The following SLAIN2 variants were observed in gnomAD, a reference collection of about 807,000 sequenced individuals.
SLAIN2 encodes the protein SLAIN motif-containing protein 2.
SLAIN2 carries 31 observed loss-of-function variants against 56.6 expected under a neutral mutation model. The ratio of observed to expected loss-of-function variants is 0.55; its 90% CI spans 0.41 to 0.74. The LOEUF is 0.74. Among genes scored for constraint, SLAIN2 ranks in the 30% least tolerant of loss-of-function variants. SLAIN2 has a pLI of 0.00. For synonymous variants in SLAIN2, 317 were observed against 284.9 expected, an observed-to-expected ratio of 1.11 and a Z score of -1.13; for missense variants, 777 against 754.2, an observed-to-expected ratio of 1.03 and a Z score of -0.35.
intron 1 of SLAIN2, among the ~76,000 whole-genome samples, chr4:48,362,201 A>G (rs1208317725): frequency 2.0e-5 from 3 of 151,538 alleles, no homozygotes; most frequent in Admixed American, 6.6e-5. Flanking sequence ...GAGAGTGTAC[A>G]TCTTGATCTT....
At position 48,363,695 on chromosome 4, in the gene SLAIN2, G is replaced by A. The variant is rs1432054487; in HGVS notation, c.390-6154G>A. On this transcript the variant is annotated intron_variant, in intron 1 of 7. Transcript: ENST00000264313. ...TCCTCACTTCCCAGTAGGGGCGGCC[G>A]GGCAGAGGCGCCCCTCACCTCCCAG... Among the ~76,000 whole-genome samples the A allele has an allele frequency of 3.3e-4, 40 of 122,584 alleles. 1 individual carries two copies. In the South Asian group the frequency reaches 4.2e-3, roughly 13 times the overall value. 80.4% of individuals were successfully genotyped at this position (122,584 alleles called of 152,430 possible). A position where few individuals can be genotyped will look rare whatever the true frequency, so the allele number is the denominator to read the frequency against.
intron 2 of SLAIN2, 121 bp downstream of exon 2, chr4:48,370,118 C>A: frequency 1.1e-6 from 1 of 949,258 alleles, no homozygotes. Flanking sequence ...TCTCATTGTT[C>A]ATATCATCAT....
At position 48,419,983 on chromosome 4, in the gene SLAIN2, G is replaced by A. The variant is rs751301031; in HGVS notation, c.1361-142G>A. On this transcript the variant is annotated intron_variant, in intron 6 of 7. Coordinates refer to ENST00000264313, the MANE Select transcript of SLAIN2 (RefSeq NM_020846.2). ...TACTTTTTTTCTTTTAGTAGCCCAGGAATAGCTTTTATTGTTTGCATTGCT... is the reference window on the plus strand; with the variant it reads ...TACTTTTTTTCTTTTAGTAGCCCAGAAATAGCTTTTATTGTTTGCATTGCT... 4.1e-4 allele frequency: 329 copies of A among 796,508 alleles called. 3 individuals carry two copies. Among genetic ancestry groups the A allele is most frequent in the Admixed American group, 7.5e-4 (26 of 34,478 alleles). 49.3% of individuals were successfully genotyped at this position (796,508 alleles called of 1,614,324 possible).
intron 2 of SLAIN2, among the ~76,000 whole-genome samples, chr4:48,374,805 T>C (rs1358391354): frequency 6.6e-6 from 1 of 152,120 alleles, no homozygotes; most frequent in East Asian, 1.9e-4. Flanking sequence ...TATGAGGAAA[T>C]GGTGGACAAG....
At position 48,397,664 on chromosome 4, in the gene SLAIN2, C is replaced by T. The variant is rs1267297745; in HGVS notation, c.1360+13880C>T. On this transcript the variant is annotated intron_variant, in intron 6 of 7. Coordinates refer to ENST00000264313, the MANE Select transcript of SLAIN2 (RefSeq NM_020846.2). ...TTCTTCCTGATGCTGTCCCTTCCCC[C>T]GCCGCCCCTGACAGCCGCCAGTGTG... Among the ~76,000 whole-genome samples the T allele has an allele frequency of 5.3e-5, 8 of 152,214 alleles. No homozygotes were observed. In the East Asian group the frequency reaches 9.7e-4, roughly 18 times the overall value.
chr4:48,405,369 A>G (rs570123228), intron 6 of SLAIN2, among the ~76,000 whole-genome samples: 1 of 152,172 alleles, frequency 6.6e-6, no homozygotes, highest in South Asian at 2.1e-4. Context: ...CCTTTTTGAT[A>G]TGTCTTTTTA....
rs556153674 is a variant in SLAIN2, at chr4:48,424,354, A to C, written c.*2277A>C. On this transcript the variant is annotated 3_prime_UTR_variant, in exon 8 of 8. Coordinates refer to ENST00000264313, the MANE Select transcript of SLAIN2 (RefSeq NM_020846.2). ...GATTTACTGTGGTTAGTCTTACAGA[A>C]GAAATGTGGATTTGATAAACTAGTG... 1 of 152,270 alleles carries C rather than the reference A, an allele frequency of 6.6e-6. No individual in the cohort carries two copies. Among genetic ancestry groups the C allele is most frequent in the East Asian group, 1.9e-4 (1 of 5,184 alleles). The allele number at this position is 152,270 out of a possible 1,614,324, so 9.4% of individuals were successfully genotyped here. A position where few individuals can be genotyped will look rare whatever the true frequency, so the allele number is the denominator to read the frequency against.
At chr4:48,405,594 T>C (rs1400570824) in intron 6 of SLAIN2, among the ~76,000 whole-genome samples, 1 of 152,128 alleles carries the variant, frequency 6.6e-6, no homozygotes, top group African/African-American at 2.4e-5. Flanking sequence ...ATTGTTTTGC[T>C]ATTTTTTGCA....
At chr4:48,381,370 G>A (rs915418773) in intron 4 of SLAIN2, among the ~76,000 whole-genome samples, 6 of 151,732 alleles carry the variant, frequency 4.0e-5, no homozygotes, top group African/African-American at 1.5e-4. Context: ...TTTTGTCTTA[G>A]AGATGATTTT....
At position 48,411,755 on chromosome 4, in the gene SLAIN2, A is replaced by G. The variant is rs574108182; in HGVS notation, c.1361-8370A>G. On this transcript the variant is annotated intron_variant, in intron 6 of 7. Transcript: ENST00000264313. ...GGAGTATGCAGATCCTTCCCAGTTC[A>G]GCTTCTGTTCAGCATTTTTTTGTAT... Among the ~76,000 whole-genome samples the G allele has an allele frequency of 2.0e-5, 3 of 152,106 alleles. No homozygotes were observed. The South Asian group carries it at 6.2e-4, about 32-fold the overall frequency.
At chr4:48,344,771 C>T (rs371098272) in intron 1 of SLAIN2, among the ~76,000 whole-genome samples, 1 of 151,696 alleles carries the variant, frequency 6.6e-6, no homozygotes, top group East Asian at 1.9e-4. Context: ...ATCTGAATAA[C>T]TGAAGCAAAA....
intron 6 of SLAIN2, among the ~76,000 whole-genome samples, chr4:48,397,631 A>G (rs1350689587): frequency 2.0e-5 from 3 of 152,078 alleles, no homozygotes; most frequent in Non-Finnish European, 4.4e-5. Context: ...CCCAGCATTC[A>G]TTAGCTATTC....
chr4:48,376,342 C>G (rs2109757778), intron 2 of SLAIN2, among the ~76,000 whole-genome samples: 1 of 151,400 alleles, frequency 6.6e-6, no homozygotes, highest in African/African-American at 2.4e-5. Flanking sequence ...GTATTCCCAG[C>G]TATTTGGGAG....
intron 4 of SLAIN2, 100 bp downstream of exon 4, chr4:48,379,948 G>A (rs1715927618): frequency 1.8e-6 from 2 of 1,087,964 alleles, no homozygotes; most frequent in Admixed American, 6.0e-5. Flanking sequence ...GTAATGTAGT[G>A]AAAGTAGAAA....
chr4:48,376,913 CTTTTT>C (rs11347630), intron 2 of SLAIN2, among the ~76,000 whole-genome samples: 1 of 111,748 alleles, frequency 8.9e-6, no homozygotes, highest in African/African-American at 3.4e-5. Context: ...GCCCGGCCGA[CTTTTT>C]TTTTTTTTTT....
intron 3 of SLAIN2, among the ~76,000 whole-genome samples, chr4:48,379,224 A>T (rs1715910005): frequency 6.6e-6 from 1 of 152,140 alleles, no homozygotes; most frequent in African/African-American, 2.4e-5. Flanking sequence ...TCTCTAAGGA[A>T]TCTAATTTTA....
intron 2 of SLAIN2, among the ~76,000 whole-genome samples, chr4:48,375,135 T>TAAAAAGGAAGA (rs1715772622): frequency 6.6e-5 from 10 of 152,252 alleles, no homozygotes; most frequent in Middle Eastern, 3.4e-3. Flanking sequence ...ATAAAAAGGC[T>TAAAAAGGAAGA]TAGAACTTGG....
intron 7 of SLAIN2, 78 bp downstream of exon 7, chr4:48,420,521 A>G: frequency 6.7e-7 from 1 of 1,492,296 alleles, no homozygotes; most frequent in Non-Finnish European, 9.2e-7. Context: ...CTTCATCCGT[A>G]TGTTTGATAG....
At chr4:48,360,281 T>C (rs1014105939) in intron 1 of SLAIN2, among the ~76,000 whole-genome samples, 10 of 151,980 alleles carry the variant, frequency 6.6e-5, no homozygotes, top group African/African-American at 9.7e-5. Flanking sequence ...TTATATACCA[T>C]AAAATGCACA....
Sources: gnomAD v4.1 joint callset for allele counts (sites outside exome capture counted in the v4.1 genomes callset) on GRCh38, gnomAD v4.1.1 for gene constraint, MANE v1.5 for transcripts, NCBI Gene and HGNC (gene_info 2026-07-23, HGNC 2026-07-21) for gene names.